CUL4A: variants seen among roughly 807,000 people sequenced by gnomAD.
CUL4A encodes cullin-4A.
CUL4A carries 16 observed loss-of-function variants against 95.5 expected under a neutral mutation model. The observed-to-expected ratio is 0.17, with a 90% CI of 0.11 to 0.25. CUL4A has a LOEUF of 0.25. CUL4A is among the 10% of genes least tolerant of loss of function. The pLI, the probability that CUL4A is intolerant of heterozygous loss-of-function variation, is 1.00. For missense variants in CUL4A, 610 were observed against 937.0 expected (o/e 0.65, Z 4.56); for synonymous variants, 380 against 353.1 (o/e 1.08, Z -0.85).
intron 18 of CUL4A, among the ~76,000 whole-genome samples, chr13:113,257,172 A>G (rs1017023067): frequency 1.3e-5 from 2 of 152,134 alleles, no homozygotes; most frequent in East Asian, 3.9e-4. Context: ...TGAGTCACCC[A>G]TCTCGGCCTC....
chr13:113,217,072 A>G (rs903526768), intron 2 of CUL4A, among the ~76,000 whole-genome samples: 2 of 152,240 alleles, frequency 1.3e-5, no homozygotes, highest in Non-Finnish European at 2.9e-5. Flanking sequence ...AGATGGTTTT[A>G]AGGATATTGG....
chr13:113,260,854 C>T (rs2042256854), intron 19 of CUL4A, 95 bp downstream of exon 19: 1 of 964,012 alleles, frequency 1.0e-6, no homozygotes, highest in Non-Finnish European at 1.5e-6. Context: ...ATTTGACCTG[C>T]ATTATTCATG....
At chr13:113,223,744 T>C (rs2040991476) in intron 3 of CUL4A, among the ~76,000 whole-genome samples, 1 of 152,170 alleles carries the variant, frequency 6.6e-6, no homozygotes, top group African/African-American at 2.4e-5. Context: ...TGTATGCTGA[T>C]ATTAGATTAT....
intron 2 of CUL4A, among the ~76,000 whole-genome samples, chr13:113,211,008 G>C (rs570527104): frequency 1.3e-5 from 2 of 152,296 alleles, no homozygotes; most frequent in South Asian, 4.1e-4. Flanking sequence ...ACTTCAGGAA[G>C]TTTTAACAGA....
chr13:113,210,542 C>T (rs988308342), intron 2 of CUL4A, among the ~76,000 whole-genome samples: 3 of 152,162 alleles, frequency 2.0e-5, no homozygotes, highest in Non-Finnish European at 4.4e-5. Flanking sequence ...GTTTTGTTCT[C>T]TGTTGTGTTT....
At position 113,265,459 on chromosome 13, in the gene CUL4A, C is replaced by T. The variant is rs560323550; in HGVS notation, c.*1877C>T. Reference sequence around the variant, plus strand: ...CTGGAGTGCAGTGGTGCAATCTCAGCTCACTGCACCCTCCGCCTCCTGGGT... The same window carrying T: ...CTGGAGTGCAGTGGTGCAATCTCAGTTCACTGCACCCTCCGCCTCCTGGGT... On this transcript the variant is annotated 3_prime_UTR_variant, in exon 20 of 20. Transcript: ENST00000375440. The T allele has an allele frequency of 6.6e-6, 1 of 152,402 alleles. No individual in the cohort carries two copies. The highest frequency in any genetic ancestry group is 2.1e-4 in the South Asian group (1 of 4,834). The allele number at this position is 152,402 out of a possible 1,614,324, so 9.4% of individuals were successfully genotyped here. A position where few individuals can be genotyped will look rare whatever the true frequency, so the allele number is the denominator to read the frequency against.
At chr13:113,253,676 C>T (rs2042050193) in intron 16 of CUL4A, among the ~76,000 whole-genome samples, 1 of 152,124 alleles carries the variant, frequency 6.6e-6, no homozygotes, top group Non-Finnish European at 1.5e-5. Flanking sequence ...ACCCTGCTGC[C>T]GAGTTGTTGC....
Position 113,263,567 on chromosome 13 carries a change from C to T in CUL4A, c.2265C>T (p.Tyr755=). 1 of 1,595,198 alleles carries T rather than the reference C, an allele frequency of 6.3e-7. No individual in the cohort carries two copies. Among genetic ancestry groups the T allele is most frequent in the Non-Finnish European group, 8.5e-7 (1 of 1,170,666 alleles). ...MERDKDNPNQ[Y]HYVA ...GAGACAAAGACAATCCGAATCAGTA[C>T]CACTACGTGGCCTGACGCATCTGCA... is the stretch of plus-strand genomic sequence containing the variant. The change falls in exon 20 of 20, where the codon TAC becomes TAT. Residue 755 remains tyrosine, a synonymous_variant. Coordinates refer to ENST00000375440, the MANE Select transcript of CUL4A (RefSeq NM_001008895.4).
rs1595426473 is a variant in CUL4A at position 113,254,690 on chromosome 13, C to T, written c.1753-3C>T. 6.3e-7 allele frequency: 1 copy of T among 1,597,774 alleles called. No individual in the cohort carries two copies. Among genetic ancestry groups the T allele is most frequent in the East Asian group, 2.2e-5 (1 of 44,734 alleles). On this transcript the variant is annotated splice_polypyrimidine_tract_variant and splice_region_variant and intron_variant, in intron 16 of 19. Coordinates refer to ENST00000375440, the MANE Select transcript of CUL4A (RefSeq NM_001008895.4). ...AGAGGTGTGATGAGGCCTTCTCTTCCAGGGGAAGAAGGAATTCCAGGTGTC... is the reference window on the plus strand; with the variant it reads ...AGAGGTGTGATGAGGCCTTCTCTTCTAGGGGAAGAAGGAATTCCAGGTGTC...
At position 113,265,111 on chromosome 13, in the gene CUL4A, T is replaced by A. The variant is rs1319024261; in HGVS notation, c.*1529T>A. On this transcript the variant is annotated 3_prime_UTR_variant, in exon 20 of 20. Transcript: ENST00000375440. ...TTCATAACTCTTTAGCAGCTTTGAC[T>A]ACTAGTGCACTAGACAGAAGTCAGA... 1 of 152,254 alleles carries A rather than the reference T, an allele frequency of 6.6e-6. No homozygotes were observed. The highest frequency in any genetic ancestry group is 2.4e-5 in the African/African-American group (1 of 41,470). 9.4% of individuals were successfully genotyped at this position (152,254 alleles called of 1,614,324 possible). A position where few individuals can be genotyped will look rare whatever the true frequency, so the allele number is the denominator to read the frequency against.
intron 18 of CUL4A, among the ~76,000 whole-genome samples, chr13:113,256,926 G>GCTTTTTTTTTTTTTTTT (rs2042137477): frequency 2.1e-5 from 1 of 47,374 alleles, no homozygotes; most frequent in Non-Finnish European, 3.6e-5. Context: ...TTTTTTTTTC[G>GCTTTTTTTTTTTTTTTT]TTTTTTTTTT....
At chr13:113,252,762 C>CA (rs1034845346) in intron 15 of CUL4A, among the ~76,000 whole-genome samples, 1 of 152,190 alleles carries the variant, frequency 6.6e-6, no homozygotes, top group Non-Finnish European at 1.5e-5. Context: ...GATCTGGCCT[C>CA]AGACACCTTT....
intron 4 of CUL4A, 122 bp from the exon 5 acceptor site, chr13:113,229,324 G>A: frequency 1.4e-6 from 1 of 730,890 alleles, no homozygotes; most frequent in Non-Finnish European, 2.3e-6. Context: ...AAAACATGAG[G>A]GCTGTGGTGG....
At chr13:113,208,290 G>A, upstream of CUL4A, 5 of 1,433,156 alleles carry the variant, frequency 3.5e-6, no homozygotes, top group Non-Finnish European at 4.6e-6. Flanking sequence ...GACCGCCTGG[G>A]AGCGCGGCCA....
At chr13:113,235,970 C>CAAAA (rs35017025) in intron 8 of CUL4A, among the ~76,000 whole-genome samples, 1 of 65,112 alleles carries the variant, frequency 1.5e-5, no homozygotes, top group South Asian at 5.0e-4. Flanking sequence ...GACTCCGTCT[C>CAAAA]AAAAAAAAAA....
chr13:113,234,830 G>C (rs1443838399), intron 7 of CUL4A, among the ~76,000 whole-genome samples: 1 of 152,198 alleles, frequency 6.6e-6, no homozygotes, highest in African/African-American at 2.4e-5. Flanking sequence ...CGAAAGAGAA[G>C]TGCAGCCTGG....
At chr13:113,208,336 G>A (rs1339120868), upstream of CUL4A, 3 of 1,431,592 alleles carry the variant, frequency 2.1e-6, no homozygotes, top group African/African-American at 1.4e-5. Context: ...ACCTGGGACC[G>A]CCGCGTCTAC....
rs2041451039 is a variant in CUL4A at position 113,233,944 on chromosome 13, C to T, written c.723C>T (p.Cys241=). Residue 241 remains cysteine (C), a synonymous_variant, in exon 7 of 20, where the codon TGC becomes TGT. Coordinates refer to ENST00000375440, the MANE Select transcript of CUL4A (RefSeq NM_001008895.4). The part of the protein sequence containing the change: ...FELKFLEETN[C]LYAAEGQRLM... ...TGAAATTTTTGGAAGAGACTAATTG[C>T]TTATATGCTGCCGAAGGCCAAAGGT... The T allele has an allele frequency of 6.2e-7, 1 of 1,611,966 alleles. No individual in the cohort carries two copies. The highest frequency in any genetic ancestry group is 2.2e-5 in the East Asian group (1 of 44,834).
At chr13:113,262,153 C>G (rs1469292356) in intron 19 of CUL4A, among the ~76,000 whole-genome samples, 1 of 152,176 alleles carries the variant, frequency 6.6e-6, no homozygotes, top group African/African-American at 2.4e-5. Context: ...GAGGGTCTCC[C>G]TTGTATAGGG....
Sources: gnomAD v4.1 joint callset for allele counts (sites outside exome capture counted in the v4.1 genomes callset) on GRCh38, gnomAD v4.1.1 for gene constraint, MANE v1.5 for transcripts, NCBI Gene and HGNC (gene_info 2026-07-23, HGNC 2026-07-21) for gene names.